The following TRIM24 variants were observed in gnomAD, a reference collection of about 807,000 sequenced individuals.
TRIM24 encodes transcription intermediary factor 1-alpha.
In TRIM24, 29 loss-of-function variants were observed where a neutral mutation model predicts 123.9. The ratio of observed to expected loss-of-function variants is 0.23; its 90% confidence interval spans 0.17 to 0.32. The LOEUF is 0.32. TRIM24 is among the 10% of genes least tolerant of loss of function. TRIM24 has a pLI of 1.00. For synonymous variants in TRIM24, 456 were observed against 461.1 expected (o/e 0.99, Z 0.14); for missense variants, 932 against 1,295.3 (o/e 0.72, Z 4.31).
chr7:138,498,310 T>C (rs569867366), intron 1 of TRIM24, among the ~76,000 whole-genome samples: 14 of 152,144 alleles, frequency 9.2e-5, no homozygotes, highest in African/African-American at 3.4e-4. Context: ...CTGCAGCCTC[T>C]CCCTCCTGGG....
chr7:138,508,991 C>T (rs142317109), intron 2 of TRIM24, among the ~76,000 whole-genome samples: 109 of 152,116 alleles, frequency 7.2e-4, no homozygotes, highest in African/African-American at 2.5e-3. Flanking sequence ...CTCTGTTGCC[C>T]AGGCTGGAGT....
intron 1 of TRIM24, among the ~76,000 whole-genome samples, chr7:138,502,115 G>A (rs1796053387): frequency 6.6e-6 from 1 of 152,138 alleles, no homozygotes; most frequent in African/African-American, 2.4e-5. Flanking sequence ...TTTATTTGTA[G>A]CCTTAGAGGT....
At position 138,589,008 on chromosome 7, in the gene TRIM24, C is replaced by CA. The variant is rs34173478; in HGVS notation, c.*4072dup. 16,792 of 128,334 alleles carry CA rather than the reference C, an allele frequency of 0.13. 1,077 individuals carry two copies. Among genetic ancestry groups the CA allele is most frequent in the Middle Eastern group, 0.18 (42 of 230 alleles). The allele number at this position is 128,334 out of a possible 1,614,324, so 7.9% of individuals were successfully genotyped here. On this transcript the variant is annotated 3_prime_UTR_variant, in exon 19 of 19. Coordinates refer to ENST00000343526, the MANE Select transcript of TRIM24 (RefSeq NM_015905.3). ...GGGCAACAAGAGCAAAACTCTGTCT[C>CA]AAAAAAAAAAAAAAATGGTGACCAT...
At chr7:138,485,732 AG>A (rs1795631464) in intron 1 of TRIM24, among the ~76,000 whole-genome samples, 2 of 152,314 alleles carry the variant, frequency 1.3e-5, no homozygotes, top group African/African-American at 4.8e-5. Context: ...TTCTTAATCC[AG>A]TCTATCACTG....
intron 1 of TRIM24, among the ~76,000 whole-genome samples, chr7:138,464,004 T>TTTTTTTTTTTTTTTTTTTC: frequency 9.0e-6 from 1 of 110,840 alleles, no homozygotes; most frequent in African/African-American, 3.6e-5. Flanking sequence ...TTTTTTTTTT[T>TTTTTTTTTTTTTTTTTTTC]TTTTTTTTGA....
chr7:138,477,226 A>G (rs1454103986), intron 1 of TRIM24, among the ~76,000 whole-genome samples: 1 of 152,186 alleles, frequency 6.6e-6, no homozygotes, highest in African/African-American at 2.4e-5. Flanking sequence ...AGGCTGAGGC[A>G]GGAGAACTGC....
At chr7:138,578,035 C>T (rs1209292936) in intron 14 of TRIM24, among the ~76,000 whole-genome samples, 1 of 151,720 alleles carries the variant, frequency 6.6e-6, no homozygotes, top group Non-Finnish European at 1.5e-5. Flanking sequence ...ACCCCCAGTA[C>T]AGCAGCAGCA....
At chr7:138,492,183 G>A (rs984591392) in intron 1 of TRIM24, among the ~76,000 whole-genome samples, 1 of 136,956 alleles carries the variant, frequency 7.3e-6, no homozygotes, top group Non-Finnish European at 1.5e-5. Context: ...GAGGCAAGAG[G>A]AACACTTGAG....
intron 10 of TRIM24, among the ~76,000 whole-genome samples, chr7:138,570,281 A>G (rs1208710900): frequency 3.3e-5 from 5 of 152,106 alleles, no homozygotes; most frequent in Non-Finnish European, 5.9e-5. Context: ...AGTAAATTCC[A>G]GACAGCAGCA....
At chr7:138,471,471 A>AT (rs1450981630) in intron 1 of TRIM24, among the ~76,000 whole-genome samples, 2 of 151,474 alleles carry the variant, frequency 1.3e-5, no homozygotes, top group African/African-American at 2.4e-5. Context: ...CTTTCTTCTG[A>AT]TTTTTTTTCT....
In TRIM24 at chr7:138,584,913, C is replaced by T. The variant is rs1166324119; in HGVS notation, c.3115C>T (p.Arg1039Cys). 1.2e-6 allele frequency: 2 copies of T among 1,612,816 alleles called. No individual in the cohort carries two copies. Among genetic ancestry groups the T allele is most frequent in the Admixed American group, 1.7e-5 (1 of 59,914 alleles). Residue 1039 changes from arginine to cysteine, a missense_variant, in exon 19 of 19, where the codon CGC becomes TGC. By Grantham distance (180) the Arg-to-Cys change is radical. Transcript: ENST00000343526. ...DDDFVQPRKK[R>C]LKSIEERQLL... Reference sequence around the variant, plus strand: ...TGACTTTGTACAGCCCCGGAAGAAACGCCTCAAAAGCATTGAAGAACGCCA... The same window carrying T: ...TGACTTTGTACAGCCCCGGAAGAAATGCCTCAAAAGCATTGAAGAACGCCA...
At chr7:138,501,045 A>G (rs55918517) in intron 1 of TRIM24, among the ~76,000 whole-genome samples, 15,183 of 152,082 alleles carry the variant, frequency 0.1, 856 homozygotes, top group South Asian at 0.16. Flanking sequence ...TGAATGAGTC[A>G]GGGAGTGAGT....
chr7:138,506,361 A>G (rs949066302), intron 2 of TRIM24, among the ~76,000 whole-genome samples: 7 of 152,170 alleles, frequency 4.6e-5, no homozygotes, highest in Non-Finnish European at 1.0e-4. Flanking sequence ...CTAAATACAA[A>G]TGATTTTGTT....
Position 138,586,658 on chromosome 7 carries a change from T to C in TRIM24, c.*1707T>C, listed in dbSNP as rs763069888. On this transcript the variant is annotated 3_prime_UTR_variant, in exon 19 of 19. Transcript: ENST00000343526. Reference sequence around the variant, plus strand: ...CATTTGACATTTGTTCTCCAAAGAGTGTTTGAACAGATTTTGATAACAGTG... The same window carrying C: ...CATTTGACATTTGTTCTCCAAAGAGCGTTTGAACAGATTTTGATAACAGTG... The C allele has an allele frequency of 9.9e-5, 15 of 152,228 alleles. No individual in the cohort carries two copies. Among genetic ancestry groups the C allele is most frequent in the Non-Finnish European group, 1.8e-4 (12 of 68,056 alleles). The allele number at this position is 152,228 out of a possible 1,614,324, so 9.4% of individuals were successfully genotyped here.
At chr7:138,523,384 C>G (rs1796542056) in intron 4 of TRIM24, among the ~76,000 whole-genome samples, 2 of 152,180 alleles carry the variant, frequency 1.3e-5, no homozygotes, top group Admixed American at 1.3e-4. Flanking sequence ...AATGTTCATT[C>G]ATAATTTAAA....
At chr7:138,506,319 G>A (rs543772703) in intron 2 of TRIM24, among the ~76,000 whole-genome samples, 1 of 152,312 alleles carries the variant, frequency 6.6e-6, no homozygotes, top group East Asian at 1.9e-4. Flanking sequence ...AGGCTACAGT[G>A]TTGAGCACTT....
At position 138,587,536 on chromosome 7, in the gene TRIM24, C is replaced by T. The variant is rs547065821; in HGVS notation, c.*2585C>T. The T allele has an allele frequency of 6.6e-6, 1 of 152,202 alleles. No homozygotes were observed. Among genetic ancestry groups the T allele is most frequent in the Non-Finnish European group, 1.5e-5 (1 of 68,046 alleles). The allele number at this position is 152,202 out of a possible 1,614,324, so 9.4% of individuals were successfully genotyped here. A position where few individuals can be genotyped will look rare whatever the true frequency, so the allele number is the denominator to read the frequency against. On this transcript the variant is annotated 3_prime_UTR_variant, in exon 19 of 19. Coordinates refer to ENST00000343526, the MANE Select transcript of TRIM24 (RefSeq NM_015905.3). Reference sequence around the variant, plus strand: ...TGAGCCTAACTATAACCCACACTCACTTATCAAGCATTCCCCCAAAAGTTC... The same window carrying T: ...TGAGCCTAACTATAACCCACACTCATTTATCAAGCATTCCCCCAAAAGTTC...
chr7:138,516,808 GTTTTGT>G (rs1796406273), intron 3 of TRIM24, among the ~76,000 whole-genome samples: 1 of 131,874 alleles, frequency 7.6e-6, no homozygotes, highest in African/African-American at 2.9e-5. Context: ...TAGCAAAACC[GTTTTGT>G]TTTTTTTTTT....
intron 17 of TRIM24, among the ~76,000 whole-genome samples, chr7:138,582,351 G>A (rs1300597077): frequency 6.6e-6 from 1 of 152,006 alleles, no homozygotes; most frequent in Admixed American, 6.6e-5. Context: ...GACCATCCTG[G>A]CTAACACGGT....
Sources: allele counts gnomAD v4.1 joint callset (sites outside exome capture counted in the v4.1 genomes callset), GRCh38; gene constraint gnomAD v4.1.1; transcripts MANE v1.5; gene names NCBI Gene and HGNC (gene_info 2026-07-23, HGNC 2026-07-21).